The following NFATC3 variants were observed in gnomAD, a reference collection of about 807,000 sequenced individuals.
NFATC3 encodes nuclear factor of activated T-cells, cytoplasmic 3.
In NFATC3, 46 loss-of-function variants were observed where a neutral mutation model predicts 98.6. The observed-to-expected ratio is 0.47, with a 90% CI of 0.37 to 0.60. The LOEUF is 0.60. Ranked by LOEUF, NFATC3 falls within the 20% of genes least tolerant of loss-of-function variation. The pLI is 0.00. For synonymous variants in NFATC3, 512 were observed against 472.2 expected, an observed-to-expected ratio of 1.08 and a Z score of -1.09; for missense variants, 1,256 against 1,295.5, an observed-to-expected ratio of 0.97 and a Z score of 0.47.
In NFATC3 at chr16:68,191,453, A is replaced by G. The variant is rs2040412526; in HGVS notation, c.2784A>G (p.Pro928=). Residue 928 remains proline, a synonymous_variant, in exon 9 of 10, where the codon CCA becomes CCG. Transcript: ENST00000346183. ...SHSGSATTAS[P]AASHPLASSP... Reference sequence around the variant, plus strand: ...CAGGGTCTGCTACAACAGCTTCCCCAGCAGCTTCTCATCCCTTGGCTAGTT... The same window carrying G: ...CAGGGTCTGCTACAACAGCTTCCCCGGCAGCTTCTCATCCCTTGGCTAGTT... 6.2e-7 allele frequency: 1 copy of G among 1,614,010 alleles called. No individual in the cohort carries two copies. The highest frequency in any genetic ancestry group is 1.3e-5 in the African/African-American group (1 of 74,904).
At chr16:68,088,924 A>G (rs1049442869) in intron 1 of NFATC3, 32 of 974,354 alleles carry the variant, frequency 3.3e-5, no homozygotes, top group Non-Finnish European at 3.7e-5. Context: ...TGGCTTCCCA[A>G]AATGCTGGGA....
chr16:68,164,982 T>G (rs1327807171), intron 4 of NFATC3, among the ~76,000 whole-genome samples: 1 of 152,224 alleles, frequency 6.6e-6, no homozygotes, highest in East Asian at 1.9e-4. Flanking sequence ...TTGTTTTATT[T>G]TGCTTGCTTT....
At chr16:68,184,949 T>G (rs2040118032) in intron 8 of NFATC3, among the ~76,000 whole-genome samples, 3 of 152,162 alleles carry the variant, frequency 2.0e-5, no homozygotes, top group Admixed American at 2.0e-4. Flanking sequence ...TTACAGATAC[T>G]ATTATAATTA....
At chr16:68,168,351 C>T (rs1418380120) in intron 5 of NFATC3, among the ~76,000 whole-genome samples, 9 of 151,402 alleles carry the variant, frequency 5.9e-5, no homozygotes, top group South Asian at 2.1e-4. Flanking sequence ...TTAGTAGAGA[C>T]GAGGTTTCAC....
At chr16:68,209,738 G>A (rs752569026) in intron 9 of NFATC3, 82 of 476,110 alleles carry the variant, frequency 1.7e-4, no homozygotes, top group Non-Finnish European at 3.1e-4. Flanking sequence ...GACAGAGAGG[G>A]GAAACCCCGT....
intron 1 of NFATC3, among the ~76,000 whole-genome samples, chr16:68,110,017 T>G (rs1176888521): frequency 6.6e-6 from 1 of 152,158 alleles, no homozygotes; most frequent in African/African-American, 2.4e-5. Context: ...TTTGTTTGTT[T>G]GTTTTGAGAT....
In NFATC3 at chr16:68,203,345, T is replaced by C. The variant is rs1205933203; in HGVS notation, c.3106+11570T>C. Among the ~76,000 whole-genome samples, 6 of 152,170 alleles carry C rather than the reference T, an allele frequency of 3.9e-5. No individual in the cohort carries two copies. The East Asian group carries it at 1.2e-3, about 29-fold the overall frequency. On this transcript the variant is annotated intron_variant, in intron 9 of 9. Coordinates refer to ENST00000346183, the MANE Select transcript of NFATC3 (RefSeq NM_173165.3). ...ATTTTAATCAACCTACATTAAGATT[T>C]ATACATGACCAGGTGCTGTGGCTCG...
At chr16:68,135,584 A>G (rs1304306379) in intron 3 of NFATC3, among the ~76,000 whole-genome samples, 1 of 151,102 alleles carries the variant, frequency 6.6e-6, no homozygotes, top group African/African-American at 2.4e-5. Flanking sequence ...TTTAGTTCTT[A>G]TCTAAATATG....
chr16:68,144,346 A>G (rs1009601107), intron 3 of NFATC3, among the ~76,000 whole-genome samples: 3 of 152,198 alleles, frequency 2.0e-5, no homozygotes, highest in Non-Finnish European at 4.4e-5. Context: ...TTAAAATGAT[A>G]CAGCCACTCT....
chr16:68,210,346 C>CAAAAAAA (rs2041332124), intron 9 of NFATC3, among the ~76,000 whole-genome samples: 2 of 150,768 alleles, frequency 1.3e-5, no homozygotes, highest in African/African-American at 2.4e-5. Flanking sequence ...TAGCCAGGTG[C>CAAAAAAA]TGTGGTCCCA....
At chr16:68,106,519 T>C (rs932482245) in intron 1 of NFATC3, among the ~76,000 whole-genome samples, 3 of 152,008 alleles carry the variant, frequency 2.0e-5, no homozygotes, top group African/African-American at 7.2e-5. Flanking sequence ...CTCAAACTCC[T>C]GACCTTGTGA....
chr16:68,221,454 G>A, intron 9 of NFATC3: 1 of 1,322,890 alleles, frequency 7.6e-7, no homozygotes. Context: ...CTCACCTGTA[G>A]CAATTACTTG....
intron 1 of NFATC3, among the ~76,000 whole-genome samples, chr16:68,104,473 A>C (rs1283908896): frequency 6.6e-6 from 1 of 152,082 alleles, no homozygotes; most frequent in Non-Finnish European, 1.5e-5. Flanking sequence ...AAGTAGAAAT[A>C]GTTTTACTTC....
chr16:68,192,364 G>T, intron 9 of NFATC3: 1 of 144,784 alleles, frequency 6.9e-6, no homozygotes, highest in African/African-American at 2.6e-5. Flanking sequence ...GAACTTTGAG[G>T]GTAGATATGA....
At chr16:68,089,568 G>T (rs985219899) in intron 1 of NFATC3, 3 of 152,118 alleles carry the variant, frequency 2.0e-5, no homozygotes, top group Admixed American at 2.0e-4. Flanking sequence ...AAATATGACA[G>T]TGCTATCTCT....
chr16:68,206,017 T>G (rs1056054537), intron 9 of NFATC3, among the ~76,000 whole-genome samples: 2 of 152,114 alleles, frequency 1.3e-5, no homozygotes, highest in African/African-American at 4.8e-5. Flanking sequence ...TCATATTTGC[T>G]TACTTTTCTA....
At chr16:68,174,073 G>C (rs973106661) in intron 5 of NFATC3, among the ~76,000 whole-genome samples, 10 of 152,204 alleles carry the variant, frequency 6.6e-5, no homozygotes, top group Admixed American at 5.9e-4. Flanking sequence ...CTTGAGCCCA[G>C]GAACTGGAGG....
At position 68,226,924 on chromosome 16, in the gene NFATC3, G is replaced by GAAAAAAAAAAA. The variant is rs1567559802; in HGVS notation, c.*462_*463insAAAAAAAAAAA. On this transcript the variant is annotated 3_prime_UTR_variant, in exon 10 of 10. Coordinates refer to ENST00000346183, the MANE Select transcript of NFATC3 (RefSeq NM_173165.3). Reference sequence around the variant, plus strand: ...AAAAAAAAAAAAAAAAAAAAAAAAAGAAAAAAAAAGAAAAGAAAAAAAGAA... The same window carrying GAAAAAAAAAAA: ...AAAAAAAAAAAAAAAAAAAAAAAAAGAAAAAAAAAAAAAAAAAAAAGAAAAGAAAAAAAGAA... The GAAAAAAAAAAA allele has an allele frequency of 1.2e-5, 1 of 85,486 alleles. No individual in the cohort carries two copies. Among genetic ancestry groups the GAAAAAAAAAAA allele is most frequent in the Non-Finnish European group, 2.3e-5 (1 of 43,568 alleles). 5.3% of individuals were successfully genotyped at this position (85,486 alleles called of 1,614,324 possible).
intron 1 of NFATC3, among the ~76,000 whole-genome samples, chr16:68,100,019 C>A (rs1031703797): frequency 6.6e-6 from 1 of 152,086 alleles, no homozygotes; most frequent in Non-Finnish European, 1.5e-5. Context: ...CATTGCCTGG[C>A]GATCCTTCCA....
Sources: gnomAD v4.1 joint callset for allele counts (sites outside exome capture counted in the v4.1 genomes callset) on GRCh38, gnomAD v4.1.1 for gene constraint, MANE v1.5 for transcripts, NCBI Gene and HGNC (gene_info 2026-07-23, HGNC 2026-07-21) for gene names.